The following ECT2L variants were observed in gnomAD, a reference collection of about 807,000 sequenced individuals.
ECT2L encodes the protein epithelial cell-transforming sequence 2 oncogene-like.
ECT2L carries 126 observed loss-of-function variants against 122.8 expected under a neutral mutation model. That is an observed-to-expected ratio of 1.03 (90% confidence interval 0.89 to 1.19). The LOEUF is 1.19. Ranked by LOEUF, ECT2L falls within the 50% of genes most tolerant of loss-of-function variation. The pLI is 0.00. For missense variants in ECT2L, 1,012 were observed against 1,064.1 expected (o/e 0.95, Z 0.68); for synonymous variants, 385 against 381.8 (o/e 1.01, Z -0.10).
intron 20 of ECT2L, among the ~76,000 whole-genome samples, chr6:138,897,951 C>G (rs1169785461): frequency 6.6e-6 from 1 of 152,126 alleles, no homozygotes; most frequent in South Asian, 2.1e-4. Context: ...CTTCAAAGCA[C>G]TCTGTTGGCA....
chr6:138,857,913 G>GA (rs1777674202), intron 10 of ECT2L, among the ~76,000 whole-genome samples: 1 of 152,148 alleles, frequency 6.6e-6, no homozygotes. Context: ...CAGGGCCGGG[G>GA]AAGCAAACAC....
intron 5 of ECT2L, among the ~76,000 whole-genome samples, chr6:138,842,580 G>A (rs1474859282): frequency 6.6e-6 from 1 of 152,148 alleles, no homozygotes; most frequent in Admixed American, 6.5e-5. Flanking sequence ...GACCATCCTG[G>A]CTAACACGGT....
intron 10 of ECT2L, among the ~76,000 whole-genome samples, chr6:138,856,887 CTT>C (rs1325940238): frequency 1.3e-5 from 2 of 152,194 alleles, no homozygotes; most frequent in African/African-American, 4.8e-5. Flanking sequence ...AATTTTATCT[CTT>C]CTCTTTAGAC....
intron 9 of ECT2L, 118 bp from the exon 10 acceptor site, chr6:138,853,908 C>G: frequency 8.7e-7 from 1 of 1,154,270 alleles, no homozygotes; most frequent in Non-Finnish European, 1.3e-6. Flanking sequence ...CCTCAGGTGT[C>G]TTGGTCTTGC....
At chr6:138,807,653 T>A (rs1447605149) in intron 1 of ECT2L, among the ~76,000 whole-genome samples, 1 of 152,228 alleles carries the variant, frequency 6.6e-6, no homozygotes, top group Admixed American at 6.5e-5. Flanking sequence ...TATTGCTGGA[T>A]AACAAACCAT....
chr6:138,847,355 C>CTTTTTTTTTTTTTTTTTTTTTT (rs1170631663), intron 8 of ECT2L, among the ~76,000 whole-genome samples: 2 of 54,956 alleles, frequency 3.6e-5, no homozygotes, highest in African/African-American at 1.6e-4. Context: ...AAGGCCCAAA[C>CTTTTTTTTTTTTTTTTTTTTTT]TTTTTTTTTT....
At chr6:138,833,836 A>G (rs1008005666) in intron 4 of ECT2L, among the ~76,000 whole-genome samples, 1 of 149,144 alleles carries the variant, frequency 6.7e-6, no homozygotes, top group Non-Finnish European at 1.5e-5. Flanking sequence ...AAAAAAATGC[A>G]CCAGGGACTG....
chr6:138,817,574 G>A (rs1279142457), intron 4 of ECT2L, among the ~76,000 whole-genome samples: 1 of 152,034 alleles, frequency 6.6e-6, no homozygotes, highest in Non-Finnish European at 1.5e-5. Flanking sequence ...ACAGGGTATT[G>A]CAATATTGGT....
chr6:138,896,405 C>G (rs1359657976), intron 20 of ECT2L, among the ~76,000 whole-genome samples: 2 of 152,166 alleles, frequency 1.3e-5, no homozygotes, highest in African/African-American at 4.8e-5. Flanking sequence ...CAAAAAGATA[C>G]ACTGTAAACT....
chr6:138,861,950 A>T (rs1230828795), intron 10 of ECT2L, among the ~76,000 whole-genome samples: 4 of 152,162 alleles, frequency 2.6e-5, no homozygotes, highest in African/African-American at 9.7e-5. Context: ...GGGTATTCCA[A>T]ATCTGAAAAT....
At chr6:138,900,467 G>C (rs1481801722) in intron 20 of ECT2L, among the ~76,000 whole-genome samples, 1 of 152,066 alleles carries the variant, frequency 6.6e-6, no homozygotes, top group Non-Finnish European at 1.5e-5. Flanking sequence ...GGCTGGTTTT[G>C]GAACTCCTGA....
chr6:138,902,655 C>A lies in ECT2L; in HGVS notation c.*28C>A. ...CCGAACTTGAAAACTTCAGGGGTGC[C>A]AATTCTCCCCAGCAAAGACAGACAA... is the stretch of plus-strand genomic sequence containing the variant. On this transcript the variant is annotated 3_prime_UTR_variant, in exon 22 of 22. Transcript: ENST00000541398. 6.2e-7 allele frequency: 1 copy of A among 1,611,114 alleles called. No individual in the cohort carries two copies. The highest frequency in any genetic ancestry group is 1.1e-5 in the South Asian group (1 of 90,470).
At chr6:138,883,112 C>T (rs1778699099) in intron 16 of ECT2L, among the ~76,000 whole-genome samples, 1 of 152,194 alleles carries the variant, frequency 6.6e-6, no homozygotes, top group Non-Finnish European at 1.5e-5. Flanking sequence ...AATGGCCAGG[C>T]TTTCACCTGC....
intron 5 of ECT2L, 150 bp downstream of exon 5, chr6:138,838,664 T>A: frequency 1.5e-6 from 1 of 664,704 alleles, no homozygotes; most frequent in South Asian, 3.1e-5. Context: ...TGGGGAAAAG[T>A]GAAATACAAT....
intron 4 of ECT2L, among the ~76,000 whole-genome samples, chr6:138,831,036 C>T (rs556044538): frequency 9.2e-5 from 14 of 152,198 alleles, no homozygotes; most frequent in Non-Finnish European, 1.5e-4. Flanking sequence ...TCGTCGTAAG[C>T]ACAATGTGAC....
intron 12 of ECT2L, 119 bp from the exon 13 acceptor site, chr6:138,867,984 A>C (rs1484998845): frequency 1.4e-6 from 1 of 720,006 alleles, no homozygotes; most frequent in African/African-American, 2.0e-5. Flanking sequence ...TGGGCAACAG[A>C]GTAAGATTCT....
intron 1 of ECT2L, among the ~76,000 whole-genome samples, chr6:138,807,087 G>A (rs1269440655): frequency 6.6e-6 from 1 of 151,526 alleles, no homozygotes; most frequent in Non-Finnish European, 1.5e-5. Context: ...AGAGAAAGAG[G>A]AAGGGTTGGT....
intron 3 of ECT2L, 42 bp from the exon 4 acceptor site, chr6:138,814,449 G>A (rs1441772322): frequency 2.4e-6 from 3 of 1,274,920 alleles, no homozygotes; most frequent in Non-Finnish European, 3.3e-6. Flanking sequence ...TAAAAACAAT[G>A]AACTGTACAG....
chr6:138,847,420 G>T (rs1468920442), intron 8 of ECT2L, among the ~76,000 whole-genome samples: 1 of 117,278 alleles, frequency 8.5e-6, no homozygotes, highest in Non-Finnish European at 1.6e-5. Context: ...GCCCAGGCTG[G>T]AGTGCAGTGG....
Sources: allele counts gnomAD v4.1 joint callset (sites outside exome capture counted in the v4.1 genomes callset), GRCh38; gene constraint gnomAD v4.1.1; transcripts MANE v1.5; gene names NCBI Gene and HGNC (gene_info 2026-07-23, HGNC 2026-07-21).